Variants in ACSM3 observed in about 807,000 individuals in gnomAD.
ACSM3 encodes the protein acyl-CoA synthetase medium chain family member 3.
Under a neutral mutation model 74.1 loss-of-function variants are expected in ACSM3, and 61 were observed. The ratio of observed to expected loss-of-function variants is 0.82; its 90% CI spans 0.67 to 1.02. The LOEUF (loss-of-function observed/expected upper bound fraction) is 1.02, where lower values mean the gene tolerates loss of function less well. Among genes scored for constraint, ACSM3 ranks in the 50% least tolerant of loss-of-function variants. The pLI is 0.00. For missense variants in ACSM3, 660 were observed against 697.0 expected (o/e 0.95, Z 0.60); for synonymous variants, 213 against 241.5 (o/e 0.88, Z 1.09).
intron 1 of ACSM3, among the ~76,000 whole-genome samples, chr16:20,692,930 G>A (rs1567316637): frequency 1.3e-5 from 2 of 152,084 alleles, no homozygotes; most frequent in African/African-American, 2.4e-5. Flanking sequence ...CAGCCCTTTG[G>A]GAGGCTGAGG....
At chr16:20,785,417 C>G (rs772366236) in intron 8 of ACSM3, among the ~76,000 whole-genome samples, 2 of 152,168 alleles carry the variant, frequency 1.3e-5, no homozygotes, top group Admixed American at 1.3e-4. Context: ...AGGGAAGTAT[C>G]TTATTTAGGG....
At chr16:20,741,172 G>C (rs1236642617) in intron 1 of ACSM3, among the ~76,000 whole-genome samples, 1 of 152,206 alleles carries the variant, frequency 6.6e-6, no homozygotes, top group African/African-American at 2.4e-5. Flanking sequence ...TGAGACAGGA[G>C]AAGTCGAGGC....
intron 1 of ACSM3, among the ~76,000 whole-genome samples, chr16:20,731,062 C>T (rs2079827611): frequency 6.6e-6 from 1 of 152,134 alleles, no homozygotes; most frequent in African/African-American, 2.4e-5. Flanking sequence ...GATGGGGTCT[C>T]ACTATGTTGA....
At chr16:20,781,839 G>C in intron 7 of ACSM3, 52 bp downstream of exon 7, 67 of 1,379,592 alleles carry the variant, frequency 4.9e-5, no homozygotes, top group Non-Finnish European at 6.4e-5. Context: ...AGAAGAGGAA[G>C]CTATAAAATA....
At chr16:20,685,124 CTA>C in intron 1 of ACSM3, 1 of 1,547,666 alleles carries the variant, frequency 6.5e-7, no homozygotes, top group Admixed American at 1.7e-5. Context: ...TGCACAGCAC[CTA>C]ATATCTCAGG....
At chr16:20,711,608 C>A in intron 1 of ACSM3, 1 of 1,203,750 alleles carries the variant, frequency 8.3e-7, no homozygotes, top group East Asian at 2.7e-5. Context: ...CTGGAGTGTC[C>A]TGACTTTAAG....
Position 20,677,233 on chromosome 16 carries a change from A to AC in ACSM3, c.-190+2411_-190+2412insC, listed in dbSNP as rs1238979558. Among the ~76,000 whole-genome samples, 4 of 151,938 alleles carry AC rather than the reference A, an allele frequency of 2.6e-5. 1 individual carries two copies. The highest frequency in any genetic ancestry group is 2.1e-4 in the South Asian group (1 of 4,798). On this transcript the variant is annotated intron_variant, in intron 1 of 3. Transcript: ENST00000561584. The stretch of plus-strand genomic sequence containing the variant: ...GAAGACTTTTAAAGAAATTAAAAAA[A>AC]AAAAAAAAGCCTTGACTCAGGCCCC...
At chr16:20,746,672 A>G (rs2079959200) in intron 1 of ACSM3, among the ~76,000 whole-genome samples, 2 of 152,202 alleles carry the variant, frequency 1.3e-5, no homozygotes, top group South Asian at 4.1e-4. Flanking sequence ...CTCACCCAAC[A>G]GCCTGATCAC....
rs2079817476 is a variant in ACSM3, at chr16:20,729,104, T to G, written c.-189-20806T>G. 4 of 456,458 alleles carry G rather than the reference T, an allele frequency of 8.8e-6. 1 individual carries two copies. Among genetic ancestry groups the G allele is most frequent in the Middle Eastern group, 1.3e-3 (2 of 1,566 alleles). 28.3% of individuals were successfully genotyped at this position (456,458 alleles called of 1,614,324 possible). On this transcript the variant is annotated intron_variant, in intron 1 of 3. Transcript: ENST00000561584. ...GCATGGGCAACAGAAAGAGACTCTG[T>G]CTCAAAATATAAAATAAATAATTTC...
At chr16:20,768,911 G>A (rs1333983813) in intron 1 of ACSM3, among the ~76,000 whole-genome samples, 3 of 152,200 alleles carry the variant, frequency 2.0e-5, no homozygotes, top group African/African-American at 7.2e-5. Context: ...AAATGGGAAG[G>A]ACAGAAGTAC....
intron 1 of ACSM3, among the ~76,000 whole-genome samples, chr16:20,717,959 A>AGAGGAG (rs1249114995): frequency 1.9e-5 from 1 of 51,936 alleles, no homozygotes; most frequent in Non-Finnish European, 3.7e-5. Flanking sequence ...AGGAAGAGGA[A>AGAGGAG]GAAGAAGAAG....
At chr16:20,711,561 C>T in intron 1 of ACSM3, 5 of 1,419,376 alleles carry the variant, frequency 3.5e-6, no homozygotes, top group Non-Finnish European at 4.9e-6. Context: ...GCATTGTGGC[C>T]AGTGAGGAGG....
intron 1 of ACSM3, among the ~76,000 whole-genome samples, chr16:20,730,042 A>G (rs901806889): frequency 1.3e-5 from 2 of 152,146 alleles, no homozygotes; most frequent in South Asian, 2.1e-4. Context: ...TCAGGACTGC[A>G]TTTGCCTACC....
chr16:20,790,486 T>C lies in ACSM3; in HGVS notation c.1225-101T>C. On this transcript the variant is annotated intron_variant, in intron 9 of 13. Transcript: ENST00000289416. The surrounding 1 kb of genome is among the most constrained non-coding windows in gnomAD (Gnocchi z 4.0). Reference sequence around the variant, plus strand: ...ACACAAAATTTTTTTTAAGTCTTCATTTTTAAATGGCAAAAGCCAAAATAA... The same window carrying C: ...ACACAAAATTTTTTTTAAGTCTTCACTTTTAAATGGCAAAAGCCAAAATAA... The C allele has an allele frequency of 6.4e-6, 8 of 1,255,484 alleles. No individual in the cohort carries two copies. The South Asian group carries it at 8.4e-5, about 13-fold the overall frequency. 77.8% of individuals were successfully genotyped at this position (1,255,484 alleles called of 1,614,324 possible). A position where few individuals can be genotyped will look rare whatever the true frequency, so the allele number is the denominator to read the frequency against.
intron 1 of ACSM3, chr16:20,734,899 A>T (rs915191581): frequency 6.6e-6 from 1 of 152,252 alleles, no homozygotes; most frequent in Non-Finnish European, 1.5e-5. Context: ...GCAGATTCAG[A>T]GACAAGGGTT....
At position 20,792,584 on chromosome 16, in the gene ACSM3, G is replaced by A. The variant is rs983378719; in HGVS notation, c.1554+249G>A. ...AGAAAGAATTTGAATTCCTTCCGTGGTGGACTAGGGCAAAGATGGTGTGAA... is the reference window on the plus strand; with the variant it reads ...AGAAAGAATTTGAATTCCTTCCGTGATGGACTAGGGCAAAGATGGTGTGAA... On this transcript the variant is annotated intron_variant, in intron 12 of 13. Coordinates refer to ENST00000289416, the MANE Select transcript of ACSM3 (RefSeq NM_005622.4). The A allele has an allele frequency of 3.0e-5, 30 of 985,318 alleles. No individual in the cohort carries two copies. The East Asian group carries it at 2.0e-3, about 67-fold the overall frequency. The allele number at this position is 985,318 out of a possible 1,614,324, so 61.0% of individuals were successfully genotyped here.
At chr16:20,692,753 C>A (rs945139006) in intron 1 of ACSM3, among the ~76,000 whole-genome samples, 1 of 152,016 alleles carries the variant, frequency 6.6e-6, no homozygotes, top group East Asian at 1.9e-4. Flanking sequence ...TCTTGTTATG[C>A]CAGAGTCTGA....
chr16:20,742,802 T>C (rs1298754017), intron 1 of ACSM3, among the ~76,000 whole-genome samples: 1 of 55,834 alleles, frequency 1.8e-5, no homozygotes, highest in Non-Finnish European at 4.6e-5. Context: ...AATATATATA[T>C]ATATATATAT....
At chr16:20,717,856 GAGGAGA>G (rs747587320) in intron 1 of ACSM3, among the ~76,000 whole-genome samples, 15 of 150,792 alleles carry the variant, frequency 9.9e-5, no homozygotes, top group Non-Finnish European at 2.1e-4. Context: ...GGAGGAAGAG[GAGGAGA>G]AGGAGAAGAA....
Sources: gnomAD v4.1 joint callset for allele counts (sites outside exome capture counted in the v4.1 genomes callset) on GRCh38, gnomAD v4.1.1 for gene constraint, Gnocchi (gnomAD v3.1) non-coding constraint, MANE v1.5 for transcripts, NCBI Gene and HGNC (gene_info 2026-07-23, HGNC 2026-07-21) for gene names.